The following CEMIP2 variants were observed in gnomAD, a reference collection of about 807,000 sequenced individuals.
The protein encoded by CEMIP2 is cell migration inducing hyaluronidase 2.
In CEMIP2, 79 loss-of-function variants were observed where a neutral mutation model predicts 146.9. That is an observed-to-expected ratio of 0.54 (90% CI 0.45 to 0.65). The LOEUF (loss-of-function observed/expected upper bound fraction) is 0.65. Among genes scored for constraint, CEMIP2 ranks in the 30% least tolerant of loss-of-function variants. CEMIP2 has a pLI of 0.00. For missense variants in CEMIP2, 1,596 were observed against 1,696.2 expected (o/e 0.94, Z 1.04); for synonymous variants, 601 against 606.3 (o/e 0.99, Z 0.13).
chr9:71,718,160 A>G (rs1656836462), intron 12 of CEMIP2, 81 bp from the exon 13 acceptor site: 1 of 1,290,594 alleles, frequency 7.7e-7, no homozygotes. Flanking sequence ...AGTGTCAAGA[A>G]GCAGAATTTA....
At chr9:71,696,762 T>G (rs1822415614) in intron 20 of CEMIP2, among the ~76,000 whole-genome samples, 1 of 151,702 alleles carries the variant, frequency 6.6e-6, no homozygotes, top group Non-Finnish European at 1.5e-5. Context: ...AGAGAGAGAC[T>G]CCATCTCAAC....
At chr9:71,745,873 A>G (rs1257717076) in intron 3 of CEMIP2, among the ~76,000 whole-genome samples, 2 of 151,940 alleles carry the variant, frequency 1.3e-5, no homozygotes, top group Non-Finnish European at 2.9e-5. Context: ...ACTCATGTTA[A>G]CTCTCAGAAT....
intron 11 of CEMIP2, among the ~76,000 whole-genome samples, 172 bp downstream of exon 11, chr9:71,725,409 T>C (rs532898118): frequency 1.1e-4 from 16 of 152,328 alleles, no homozygotes; most frequent in African/African-American, 3.4e-4. Flanking sequence ...CCCCTTGATC[T>C]TGGACTTCCC....
intron 12 of CEMIP2, among the ~76,000 whole-genome samples, chr9:71,719,892 C>T (rs570180597): frequency 6.4e-4 from 91 of 141,826 alleles, no homozygotes; most frequent in African/African-American, 2.3e-3. Flanking sequence ...TGATTCTCTG[C>T]TGTAACCATC....
rs1336163716 is a variant in CEMIP2, at chr9:71,725,605, G to A, written c.2154C>T (p.Asn718=). 2 of 1,613,886 alleles carry A rather than the reference G, an allele frequency of 1.2e-6. No homozygotes were observed. The highest frequency in any genetic ancestry group is 2.2e-5 in the East Asian group (1 of 44,864). The change falls in exon 11 of 24, where the codon AAC becomes AAT. Residue 718 remains asparagine (N), a synonymous_variant. Transcript: ENST00000377044. ...PELTPLGIFY[N]NRVHSNFKAG... The stretch of plus-strand genomic sequence containing the variant: ...CCTTAAAATTTGAATGGACCCTGTT[G>A]TTATAAAATATACCCAATGGAGTGA...
chr9:71,698,148 G>A lies in CEMIP2; in HGVS notation c.3434C>T (p.Ser1145Leu). The change falls in exon 20 of 24, where the codon TCA (serine) becomes TTA (leucine). Residue 1145 changes from serine (S) to leucine (L), a missense_variant. By Grantham distance (145) the Ser-to-Leu change is moderately radical. Coordinates refer to ENST00000377044, the MANE Select transcript of CEMIP2 (RefSeq NM_013390.3). ...KSHRHGHSYC[S>L]SQGCERVKIQ... ...CTTGACTCTTTCACATCCCTGAGAT[G>A]AACAGTAACTGTGGCCATGCCTGTG... 6.2e-7 allele frequency: 1 copy of A among 1,614,050 alleles called. No homozygotes were observed. The highest frequency in any genetic ancestry group is 1.7e-5 in the Admixed American group (1 of 59,998).
intron 22 of CEMIP2, among the ~76,000 whole-genome samples, chr9:71,689,849 C>T (rs1009842614): frequency 6.6e-6 from 1 of 152,168 alleles, no homozygotes; most frequent in South Asian, 2.1e-4. Flanking sequence ...CTCTGAAGAG[C>T]CTTCCCACCA....
intron 5 of CEMIP2, among the ~76,000 whole-genome samples, chr9:71,736,060 C>T (rs1288373876): frequency 6.6e-6 from 1 of 152,186 alleles, no homozygotes; most frequent in Admixed American, 6.5e-5. Flanking sequence ...TGCCACTGCA[C>T]TCCATCCTAG....
chr9:71,706,026 C>T (rs879465607), intron 17 of CEMIP2, among the ~76,000 whole-genome samples: 8 of 151,656 alleles, frequency 5.3e-5, no homozygotes, highest in South Asian at 2.1e-4. Context: ...GTCAGGAGTT[C>T]GACACCAGCC....
chr9:71,725,453 C>T (rs62547006), intron 11 of CEMIP2, 128 bp downstream of exon 11: 82,068 of 1,011,194 alleles, frequency 0.081, 4,072 homozygotes, highest in South Asian at 0.2. Flanking sequence ...TAAATTGCTG[C>T]TCATTATAAG....
intron 1 of CEMIP2, among the ~76,000 whole-genome samples, chr9:71,753,478 C>A (rs923253007): frequency 6.6e-6 from 1 of 152,106 alleles, no homozygotes. Context: ...TAAGCATGGT[C>A]GTGTTTTTCC....
intron 18 of CEMIP2, chr9:71,704,312 T>G: frequency 5.1e-6 from 2 of 390,370 alleles, no homozygotes; most frequent in Non-Finnish European, 9.5e-6. Flanking sequence ...CCATCCCAGC[T>G]AGAGGGAATT....
At chr9:71,735,738 G>A (rs965582759) in intron 5 of CEMIP2, among the ~76,000 whole-genome samples, 3 of 151,996 alleles carry the variant, frequency 2.0e-5, no homozygotes, top group Admixed American at 1.3e-4. Flanking sequence ...AGCTATGATC[G>A]GGCCACCACA....
At chr9:71,739,416 A>G (rs1823853871) in intron 5 of CEMIP2, among the ~76,000 whole-genome samples, 1 of 123,894 alleles carries the variant, frequency 8.1e-6, no homozygotes, top group African/African-American at 3.1e-5. Flanking sequence ...TTTTAGTGGT[A>G]CTGGAGACAG....
chr9:71,740,109 C>T lies in CEMIP2; in HGVS notation c.1158G>A (p.Val386=). The T allele has an allele frequency of 1.9e-6, 3 of 1,614,052 alleles. No homozygotes were observed. The highest frequency in any genetic ancestry group is 2.2e-5 in the South Asian group (2 of 91,084). The change falls in exon 5 of 24, where the codon GTG becomes GTA. Residue 386 remains valine (V), a synonymous_variant. Transcript: ENST00000377044. ...KALAQREFYT[V]DGQKFSVTAY... Reference sequence around the variant, plus strand: ...CTGTCACAGAGAACTTCTGGCCATCCACAGTATAAAATTCTCTTTGGGCAA... The same window carrying T: ...CTGTCACAGAGAACTTCTGGCCATCTACAGTATAAAATTCTCTTTGGGCAA...
At chr9:71,755,964 A>C (rs1242013487) in intron 1 of CEMIP2, among the ~76,000 whole-genome samples, 2 of 95,156 alleles carry the variant, frequency 2.1e-5, no homozygotes, top group Non-Finnish European at 5.0e-5. Flanking sequence ...TGTCTCACAA[A>C]AAAAAAAAAA....
intron 1 of CEMIP2, among the ~76,000 whole-genome samples, chr9:71,757,644 G>C (rs541761113): frequency 6.6e-6 from 1 of 152,280 alleles, no homozygotes; most frequent in Non-Finnish European, 1.5e-5. Flanking sequence ...TAACTGCCTT[G>C]AATTTTCAAT....
chr9:71,693,801 T>A (rs1407661510), intron 21 of CEMIP2, among the ~76,000 whole-genome samples: 1 of 152,226 alleles, frequency 6.6e-6, no homozygotes, highest in Non-Finnish European at 1.5e-5. Flanking sequence ...TCTGCTTTGG[T>A]CTGAATGTCT....
chr9:71,686,589 G>A (rs7854339), intron 22 of CEMIP2: 7,588 of 152,150 alleles, frequency 0.05, 348 homozygotes, highest in African/African-American at 0.11. Flanking sequence ...TGTCAAAAAG[G>A]CTGGGGACTG....
Sources: gnomAD v4.1 joint callset for allele counts (sites outside exome capture counted in the v4.1 genomes callset) on GRCh38, gnomAD v4.1.1 for gene constraint, MANE v1.5 for transcripts, NCBI Gene and HGNC (gene_info 2026-07-23, HGNC 2026-07-21) for gene names.